PANK1: variants seen among roughly 807,000 people sequenced by gnomAD.
PANK1 encodes the protein pantothenate kinase 1, also known as pantothenic acid kinase 1.
In PANK1, 18 loss-of-function variants were observed where a neutral mutation model predicts 40.1. That is an observed-to-expected ratio of 0.45 (90% CI 0.31 to 0.67). The LOEUF (loss-of-function observed/expected upper bound fraction) is 0.67, where lower values mean the gene tolerates loss of function less well. Ranked by LOEUF, PANK1 falls within the 30% of genes least tolerant of loss-of-function variation. The probability of loss-of-function intolerance (pLI) is 0.06; values close to 1 mark genes in which losing one functional copy is unlikely to be tolerated. For synonymous variants in PANK1, 242 were observed against 237.7 expected, an observed-to-expected ratio of 1.02 and a Z score of -0.17; for missense variants, 457 against 599.6, an observed-to-expected ratio of 0.76 and a Z score of 2.48.
At chr10:89,628,103 C>A (rs1376577409) in intron 1 of PANK1, among the ~76,000 whole-genome samples, 2 of 152,176 alleles carry the variant, frequency 1.3e-5, no homozygotes, top group African/African-American at 2.4e-5. Flanking sequence ...AGTACAGTCA[C>A]TTTGGAAAAC....
chr10:89,625,903 T>C (rs1845647493), intron 1 of PANK1: 1 of 152,092 alleles, frequency 6.6e-6, no homozygotes, highest in Non-Finnish European at 1.5e-5. Context: ...TTAATAAAAT[T>C]TTTTTTCCTT....
chr10:89,623,904 C>A (rs1489017915), intron 1 of PANK1, among the ~76,000 whole-genome samples: 1 of 152,180 alleles, frequency 6.6e-6, no homozygotes. Flanking sequence ...TGCACCACGG[C>A]CAGGGCAAAA....
intron 2 of PANK1, among the ~76,000 whole-genome samples, chr10:89,608,790 C>T (rs72818703): frequency 2.0e-5 from 3 of 152,280 alleles, no homozygotes; most frequent in Admixed American, 6.5e-5. Flanking sequence ...TGTTTTAATA[C>T]GTACAGTAGT....
At chr10:89,616,651 G>A (rs998715085) in intron 1 of PANK1, among the ~76,000 whole-genome samples, 1 of 152,006 alleles carries the variant, frequency 6.6e-6, no homozygotes, top group African/African-American at 2.4e-5. Flanking sequence ...AGACAGGCGC[G>A]GTGGTTCACG....
At chr10:89,593,752 G>C in intron 4 of PANK1, 61 bp downstream of exon 4, 1 of 1,269,454 alleles carries the variant, frequency 7.9e-7, no homozygotes. Flanking sequence ...TTAGTGAATG[G>C]CCAGGGTGGA....
intron 2 of PANK1, among the ~76,000 whole-genome samples, chr10:89,599,820 G>A (rs1402228559): frequency 1.3e-5 from 2 of 152,204 alleles, no homozygotes; most frequent in African/African-American, 4.8e-5. Context: ...GAGCACTTGT[G>A]AATGTGACTT....
At chr10:89,611,579 G>T in intron 2 of PANK1, 117 bp downstream of exon 2, 1 of 694,430 alleles carries the variant, frequency 1.4e-6, no homozygotes, top group Non-Finnish European at 2.4e-6. Context: ...GGCACAGAGC[G>T]GTGACATAAG....
intron 1 of PANK1, among the ~76,000 whole-genome samples, chr10:89,612,803 C>T (rs926835735): frequency 6.6e-6 from 1 of 152,176 alleles, no homozygotes; most frequent in African/African-American, 2.4e-5. Flanking sequence ...AGCTGAGAAG[C>T]TTTTAATATT....
rs1410089913 is a variant in PANK1, at chr10:89,644,712, G to A, written c.180C>T (p.Arg60=). ...PVGGSDAAPQ[R]LPLLPELQPQ... ...GCTGCAGCTCCGGCAGGAGCGGGAG[G>A]CGCTGGGGCGCCGCGTCGCTGCCGC... Residue 60 remains arginine (R), a synonymous_variant, in exon 1 of 7, where the codon CGC becomes CGT. Coordinates refer to ENST00000307534, the MANE Select transcript of PANK1 (RefSeq NM_148977.3). The A allele has an allele frequency of 6.5e-7, 1 of 1,536,848 alleles. No individual in the cohort carries two copies. Among genetic ancestry groups the A allele is most frequent in the African/African-American group, 1.4e-5 (1 of 71,228 alleles).
At chr10:89,638,793 G>A (rs1841894439) in intron 1 of PANK1, among the ~76,000 whole-genome samples, 1 of 152,044 alleles carries the variant, frequency 6.6e-6, no homozygotes, top group South Asian at 2.1e-4. Flanking sequence ...TGCCTTTATT[G>A]CTCTTATTTC....
intron 6 of PANK1, among the ~76,000 whole-genome samples, chr10:89,587,021 G>A (rs1206822272): frequency 6.6e-6 from 1 of 152,092 alleles, no homozygotes; most frequent in Non-Finnish European, 1.5e-5. Context: ...TACTTGGGAG[G>A]CTGAGGCTCG....
intron 1 of PANK1, among the ~76,000 whole-genome samples, chr10:89,632,735 TG>T (rs1841688969): frequency 6.6e-6 from 1 of 152,226 alleles, no homozygotes; most frequent in Admixed American, 6.5e-5. Flanking sequence ...GTCTACCTGC[TG>T]GGTAATCCAG....
downstream of PANK1, chr10:89,582,139 A>G (rs1844062925): frequency 6.6e-6 from 1 of 152,208 alleles, no homozygotes; most frequent in African/African-American, 2.4e-5. Context: ...TGAGGAAACT[A>G]TGGTTTAGAA....
At chr10:89,622,183 A>T (rs1279496989) in intron 1 of PANK1, among the ~76,000 whole-genome samples, 4 of 152,250 alleles carry the variant, frequency 2.6e-5, no homozygotes, top group Admixed American at 2.6e-4. Flanking sequence ...TGAAGAAAGT[A>T]GTGAATATAA....
At chr10:89,642,953 C>T (rs1015035557) in intron 1 of PANK1, among the ~76,000 whole-genome samples, 2 of 152,144 alleles carry the variant, frequency 1.3e-5, no homozygotes, top group Admixed American at 6.5e-5. Flanking sequence ...ATACAAAGCA[C>T]ACAGGCAGAT....
chr10:89,615,567 G>A lies in PANK1; in HGVS notation c.293-3519C>T, dbSNP rs75709280. On this transcript the variant is annotated intron_variant, in intron 1 of 6. Transcript: ENST00000307534. The stretch of plus-strand genomic sequence containing the variant: ...ATATCATTAGTTTGGGTTAAGGTAG[G>A]AGAGATAAGAATTATCTTATCTCTG... Among the ~76,000 whole-genome samples the A allele has an allele frequency of 6.4e-4, 98 of 152,240 alleles. 1 individual carries two copies. In the East Asian group the frequency reaches 0.018, roughly 29 times the overall value.
At chr10:89,640,713 C>T (rs1841944983) in intron 1 of PANK1, among the ~76,000 whole-genome samples, 1 of 152,164 alleles carries the variant, frequency 6.6e-6, no homozygotes, top group African/African-American at 2.4e-5. Context: ...TGCAGGCTAT[C>T]CCACACAGAC....
At chr10:89,636,421 C>G in intron 1 of PANK1, among the ~76,000 whole-genome samples, 1 of 151,820 alleles carries the variant, frequency 6.6e-6, no homozygotes, top group South Asian at 2.1e-4. Context: ...ACTGCAGGCT[C>G]GGCCCCCCGG....
intron 2 of PANK1, among the ~76,000 whole-genome samples, chr10:89,604,648 C>G (rs541177409): frequency 7.0e-6 from 1 of 142,788 alleles, no homozygotes; most frequent in East Asian, 2.1e-4. Flanking sequence ...GAGCCGAGAT[C>G]GCATCACTGC....
Sources: gnomAD v4.1 joint callset for allele counts (sites outside exome capture counted in the v4.1 genomes callset) on GRCh38, gnomAD v4.1.1 for gene constraint, MANE v1.5 for transcripts, NCBI Gene and HGNC (gene_info 2026-07-23, HGNC 2026-07-21) for gene names.